CFAP47: variants seen among roughly 807,000 people sequenced by gnomAD.
CFAP47 encodes cilia and flagella associated protein 47, also known as cilia- and flagella-associated protein 47.
A neutral mutation model predicts 148.1 loss-of-function variants in CFAP47; 29 were observed. That is an observed-to-expected ratio of 0.20 (90% CI 0.15 to 0.27). The LOEUF is 0.27. Ranked by LOEUF, CFAP47 falls within the 10% of genes least tolerant of loss-of-function variation. The pLI is 1.00. For missense variants in CFAP47, 1,872 were observed against 1,697.5 expected, an observed-to-expected ratio of 1.10 and a Z score of -1.81; for synonymous variants, 664 against 577.3, an observed-to-expected ratio of 1.15 and a Z score of -2.15.
chrX:36,333,001 T>C (rs1357220478), intron 57 of CFAP47, among the ~76,000 whole-genome samples: 1 of 111,999 alleles, frequency 8.9e-6, no homozygotes, highest in Non-Finnish European at 1.9e-5. Flanking sequence ...GTAATGTTTA[T>C]TTTCAAAGCT....
intron 60 of CFAP47, among the ~76,000 whole-genome samples, chrX:36,356,913 G>GTTAGCT (rs1431896285): frequency 1.8e-5 from 2 of 112,240 alleles, no homozygotes; most frequent in African/African-American, 6.5e-5. Flanking sequence ...AAATCAAAGT[G>GTTAGCT]TTAGCTTTAT....
intron 45 of CFAP47, chrX:36,211,640 G>A: frequency 4.8e-6 from 1 of 207,092 alleles, no homozygotes. Context: ...AAAGGGAGTT[G>A]TAAAGGTTGA....
chrX:36,187,521 A>C (rs1361249090), intron 40 of CFAP47, among the ~76,000 whole-genome samples: 5 of 112,073 alleles, frequency 4.5e-5, no homozygotes, highest in African/African-American at 1.6e-4. Context: ...AATATGGAGA[A>C]ATAATAAGCA....
intron 22 of CFAP47, among the ~76,000 whole-genome samples, chrX:36,028,319 T>C (rs1213685859): frequency 9.0e-6 from 1 of 111,319 alleles, no homozygotes; most frequent in Non-Finnish European, 1.9e-5. Context: ...CATTTTTAAT[T>C]AATTTTTGTA....
At chrX:35,968,320 T>C (rs1215595159) in intron 10 of CFAP47, among the ~76,000 whole-genome samples, 1 of 110,958 alleles carries the variant, frequency 9.0e-6, no homozygotes, top group South Asian at 3.8e-4. Flanking sequence ...TTTTTAATAA[T>C]CTTCCACAAA....
At chrX:35,985,893 C>T (rs755961176) in intron 15 of CFAP47, 5 of 315,304 alleles carry the variant, frequency 1.6e-5, no homozygotes, top group Non-Finnish European at 3.1e-5. Context: ...TCCTCCTAAG[C>T]GGCTCTCCCT....
At chrX:35,989,782 G>T (rs1232820049) in intron 16 of CFAP47, 1 of 274,156 alleles carries the variant, frequency 3.6e-6, no homozygotes, top group African/African-American at 2.8e-5. Flanking sequence ...CAATCACCAA[G>T]CATGATTTTA....
At chrX:36,064,310 A>G (rs1404055197) in intron 26 of CFAP47, among the ~76,000 whole-genome samples, 2 of 111,879 alleles carry the variant, frequency 1.8e-5, no homozygotes, top group Non-Finnish European at 3.8e-5. Context: ...GTAATCCTGA[A>G]TAAGGCTATC....
intron 39 of CFAP47, among the ~76,000 whole-genome samples, chrX:36,162,534 A>T (rs997429964): frequency 2.7e-5 from 3 of 111,839 alleles, no homozygotes; most frequent in African/African-American, 9.7e-5. Flanking sequence ...CATATTAAAC[A>T]TACTTTAAAA....
At chrX:36,268,418 C>T (rs1348424681) in intron 49 of CFAP47, among the ~76,000 whole-genome samples, 1 of 112,361 alleles carries the variant, frequency 8.9e-6, no homozygotes, top group East Asian at 2.8e-4. Context: ...CCACGAGGTC[C>T]AACACTCACT....
At chrX:36,262,392 T>A (rs2146931444) in intron 49 of CFAP47, among the ~76,000 whole-genome samples, 1 of 111,821 alleles carries the variant, frequency 8.9e-6, no homozygotes, top group South Asian at 3.8e-4. Flanking sequence ...CAGCCTCTGG[T>A]AACCATCCTT....
At chrX:36,384,349 AAAATAAAAAT>A (rs1336484817) in intron 63 of CFAP47, among the ~76,000 whole-genome samples, 2 of 100,818 alleles carry the variant, frequency 2.0e-5, no homozygotes, top group African/African-American at 8.1e-5. Context: ...TAAAAAATAA[AAAATAAAAAT>A]AAATAAATAA....
chrX:36,384,754 C>T, intron 63 of CFAP47, 43 bp from the exon 64 acceptor site: 1 of 978,269 alleles, frequency 1.0e-6, no homozygotes. Flanking sequence ...GTTTTGAAGT[C>T]CCTGGATATT....
rs562494661 is a variant in CFAP47 at position 35,936,314 on chromosome X, T to C, written c.402-4969T>C. On this transcript the variant is annotated intron_variant, in intron 2 of 63. Transcript: ENST00000378653. Reference sequence around the variant, plus strand: ...CTGGTATTGTGTTCATCACTATGTTTTTAGTTTGGTTGTTGTATTATTCAA... The same window carrying C: ...CTGGTATTGTGTTCATCACTATGTTCTTAGTTTGGTTGTTGTATTATTCAA... 5.4e-5 allele frequency among the ~76,000 whole-genome samples: 6 copies of C among 112,090 alleles called. No homozygotes were observed. In the Middle Eastern group the frequency reaches 0.018, roughly 344 times the overall value.
At chrX:36,127,288 G>A (rs1310554611) in intron 33 of CFAP47, among the ~76,000 whole-genome samples, 1 of 111,438 alleles carries the variant, frequency 9.0e-6, no homozygotes, top group Non-Finnish European at 1.9e-5. Flanking sequence ...TAAGGAAGGG[G>A]TCCAGTTTCA....
intron 62 of CFAP47, among the ~76,000 whole-genome samples, chrX:36,375,853 T>C (rs1381306927): frequency 2.7e-5 from 3 of 111,638 alleles, no homozygotes; most frequent in Non-Finnish European, 5.7e-5. Flanking sequence ...CTGTGAGAGA[T>C]TAATATTGCT....
chrX:36,376,555 G>A, intron 62 of CFAP47, among the ~76,000 whole-genome samples: 1 of 112,020 alleles, frequency 8.9e-6, no homozygotes, highest in Non-Finnish European at 1.9e-5. Context: ...ATGTGGCACT[G>A]TGCCAGCAGG....
intron 26 of CFAP47, among the ~76,000 whole-genome samples, chrX:36,052,761 A>G (rs1601949697): frequency 8.9e-6 from 1 of 112,607 alleles, no homozygotes; most frequent in South Asian, 3.6e-4. Context: ...TACTATTTTT[A>G]GAAAGCATTC....
chrX:35,937,252 T>C (rs1310112429), intron 2 of CFAP47, among the ~76,000 whole-genome samples: 6 of 107,950 alleles, frequency 5.6e-5, no homozygotes, highest in African/African-American at 1.7e-4. Flanking sequence ...TTGTCACTTA[T>C]GATTGGTATA....
Sources: allele counts gnomAD v4.1 joint callset (sites outside exome capture counted in the v4.1 genomes callset), GRCh38; gene constraint gnomAD v4.1.1; transcripts MANE v1.5; gene names NCBI Gene and HGNC (gene_info 2026-07-23, HGNC 2026-07-21).